Variants in CCDC148 observed in about 807,000 individuals in gnomAD.
CCDC148 encodes the protein coiled-coil domain containing 148.
Under a neutral mutation model 85.7 loss-of-function variants are expected in CCDC148, and 89 were observed. The observed-to-expected ratio is 1.04, with a 90% CI of 0.87 to 1.24. The LOEUF (loss-of-function observed/expected upper bound fraction) is 1.24. CCDC148 is among the 50% of genes most tolerant of loss of function. The probability of loss-of-function intolerance (pLI) is 0.00; values close to 1 mark genes in which losing one functional copy is unlikely to be tolerated. For synonymous variants in CCDC148, 230 were observed against 213.9 expected, an observed-to-expected ratio of 1.08 and a Z score of -0.66; for missense variants, 692 against 671.7, an observed-to-expected ratio of 1.03 and a Z score of -0.33.
At position 158,405,741 on chromosome 2, in the gene CCDC148, CAT is replaced by C. The variant is rs1173187969; in HGVS notation, c.26-47173_26-47172del. The stretch of plus-strand genomic sequence containing the variant: ...ATAAGTTAATGATTTACCTAATTTA[CAT>C]GTTTCATATTTTGTTAGAGTAGACA... On this transcript the variant is annotated intron_variant, in intron 1 of 13. Transcript: ENST00000283233. 2.6e-5 allele frequency among the ~76,000 whole-genome samples: 4 copies of C among 152,064 alleles called. No individual in the cohort carries two copies. The East Asian group carries it at 7.7e-4, about 29-fold the overall frequency.
chr2:158,242,148 C>T (rs1170170889), intron 10 of CCDC148, among the ~76,000 whole-genome samples: 2 of 152,298 alleles, frequency 1.3e-5, no homozygotes, highest in South Asian at 2.1e-4. Flanking sequence ...TAGAGACATT[C>T]TGTTACTTGG....
chr2:158,298,696 C>G (rs746011420), intron 9 of CCDC148, among the ~76,000 whole-genome samples: 49 of 152,228 alleles, frequency 3.2e-4, no homozygotes, highest in Non-Finnish European at 3.5e-4. Context: ...TTTTACATTT[C>G]TAGAATTTCT....
At chr2:158,287,898 G>C (rs1237341214) in intron 9 of CCDC148, among the ~76,000 whole-genome samples, 1 of 152,166 alleles carries the variant, frequency 6.6e-6, no homozygotes, top group East Asian at 1.9e-4. Context: ...TCTCCATGAG[G>C]GCCCCACCCC....
chr2:158,213,434 G>A (rs908891836), intron 11 of CCDC148, among the ~76,000 whole-genome samples: 1 of 152,150 alleles, frequency 6.6e-6, no homozygotes, highest in African/African-American at 2.4e-5. Context: ...TAGATGAAAG[G>A]CCACAATATA....
At chr2:158,318,979 G>A (rs531133291) in intron 7 of CCDC148, among the ~76,000 whole-genome samples, 36 of 152,084 alleles carry the variant, frequency 2.4e-4, no homozygotes, top group African/African-American at 8.7e-4. Context: ...CTGTTGCCTA[G>A]GCTGGTCTTC....
chr2:158,281,767 A>C (rs1423744866), intron 9 of CCDC148, among the ~76,000 whole-genome samples: 4 of 152,204 alleles, frequency 2.6e-5, no homozygotes, highest in Non-Finnish European at 5.9e-5. Context: ...ATCCTCCCTA[A>C]CTCATTTTAT....
chr2:158,366,967 T>C (rs1348010275), intron 1 of CCDC148, among the ~76,000 whole-genome samples: 2 of 152,190 alleles, frequency 1.3e-5, no homozygotes, highest in African/African-American at 4.8e-5. Flanking sequence ...GTCCATGACT[T>C]TTGGAAACTC....
chr2:158,431,484 T>G (rs1227500881), intron 1 of CCDC148, among the ~76,000 whole-genome samples: 3 of 145,052 alleles, frequency 2.1e-5, no homozygotes, highest in Non-Finnish European at 4.6e-5. Flanking sequence ...AAAAAGGTGT[T>G]TTTTAAAAAA....
intron 1 of CCDC148, among the ~76,000 whole-genome samples, chr2:158,431,973 C>CATATACTGTATAGCACTGTAT (rs969788771): frequency 6.6e-6 from 1 of 151,554 alleles, no homozygotes; most frequent in African/African-American, 2.4e-5. Context: ...CACTGTTTAC[C>CATATACTGTATAGCACTGTAT]ACACATATAC....
rs376430797 is a variant in CCDC148 at position 158,225,223 on chromosome 2, A to G, written c.1252-4510T>C. Among the ~76,000 whole-genome samples the G allele has an allele frequency of 1.3e-3, 202 of 152,262 alleles. 3 individuals are homozygous for G. The South Asian group carries it at 0.036, about 27-fold the overall frequency. ...GAGACAAAGAAGGCCATTACATAAT[A>G]GTAAAGGGATCAATTCAACAAGAAG... On this transcript the variant is annotated intron_variant, in intron 10 of 13. Coordinates refer to ENST00000283233, the MANE Select transcript of CCDC148 (RefSeq NM_138803.4).
At chr2:158,453,392 G>T (rs1456321026) in intron 1 of CCDC148, among the ~76,000 whole-genome samples, 1 of 152,134 alleles carries the variant, frequency 6.6e-6, no homozygotes, top group East Asian at 1.9e-4. Flanking sequence ...ATGGGGTGGG[G>T]CTCAGCCAAT....
intron 1 of CCDC148, among the ~76,000 whole-genome samples, chr2:158,407,375 C>CT (rs1445148203): frequency 6.6e-6 from 1 of 152,124 alleles, no homozygotes; most frequent in Non-Finnish European, 1.5e-5. Context: ...GATCAGGAGT[C>CT]TATTAGGAGT....
At chr2:158,289,278 G>A (rs1172881851) in intron 9 of CCDC148, among the ~76,000 whole-genome samples, 1 of 152,068 alleles carries the variant, frequency 6.6e-6, no homozygotes, top group African/African-American at 2.4e-5. Flanking sequence ...TTAAGAGAAT[G>A]AAAATGAGTG....
chr2:158,336,144 C>T (rs535735438), intron 7 of CCDC148, among the ~76,000 whole-genome samples: 1 of 152,164 alleles, frequency 6.6e-6, no homozygotes, highest in South Asian at 2.1e-4. Context: ...GGGGAGAAGG[C>T]CATATCAAAG....
intron 9 of CCDC148, among the ~76,000 whole-genome samples, chr2:158,290,519 C>T (rs1164095097): frequency 6.6e-6 from 1 of 152,124 alleles, no homozygotes; most frequent in African/African-American, 2.4e-5. Context: ...TAGAATACAC[C>T]TCCCCTAGAA....
At chr2:158,360,455 G>A (rs1462592365) in intron 1 of CCDC148, among the ~76,000 whole-genome samples, 1 of 152,146 alleles carries the variant, frequency 6.6e-6, no homozygotes, top group Admixed American at 6.5e-5. Context: ...GCCCCTCTGG[G>A]ACAAAGCTTC....
intron 10 of CCDC148, among the ~76,000 whole-genome samples, chr2:158,222,470 TTC>T (rs369654189): frequency 1.1e-4 from 17 of 147,976 alleles, no homozygotes; most frequent in South Asian, 2.1e-4. Context: ...CTCTCTCTCT[TTC>T]TCTCTCTCTC....
chr2:158,363,248 G>A (rs1476632368), intron 1 of CCDC148, among the ~76,000 whole-genome samples: 1 of 152,126 alleles, frequency 6.6e-6, no homozygotes, highest in Non-Finnish European at 1.5e-5. Context: ...AAGAGATGCT[G>A]GTACCATTCC....
intron 9 of CCDC148, among the ~76,000 whole-genome samples, chr2:158,275,665 G>T (rs1689904390): frequency 6.6e-6 from 1 of 151,454 alleles, no homozygotes; most frequent in African/African-American, 2.4e-5. Flanking sequence ...ACAGCTGGAA[G>T]TCAGAGTTGC....
Sources: gnomAD v4.1 joint callset for allele counts (sites outside exome capture counted in the v4.1 genomes callset) on GRCh38, gnomAD v4.1.1 for gene constraint, MANE v1.5 for transcripts, NCBI Gene and HGNC (gene_info 2026-07-23, HGNC 2026-07-21) for gene names.